Variants in PARP4 observed in about 807,000 individuals in gnomAD.
The protein encoded by PARP4 is protein mono-ADP-ribosyltransferase PARP4.
A neutral mutation model predicts 187.7 loss-of-function variants in PARP4; 120 were observed. That is an observed-to-expected ratio of 0.64 (90% CI 0.55 to 0.74). PARP4 has a LOEUF of 0.74. Ranked by LOEUF, PARP4 falls within the 30% of genes least tolerant of loss-of-function variation. PARP4 has a pLI of 0.00. For missense variants in PARP4, 1,836 were observed against 2,070.5 expected (o/e 0.89, Z 2.20); for synonymous variants, 654 against 740.9 (o/e 0.88, Z 1.90).
chr13:24,480,251 G>C (rs919619150), intron 12 of PARP4, among the ~76,000 whole-genome samples: 1 of 152,014 alleles, frequency 6.6e-6, no homozygotes, highest in Non-Finnish European at 1.5e-5. Context: ...CTTGGCAAAT[G>C]TTTTGTGTGT....
At position 24,475,569 on chromosome 13, in the gene PARP4, G is replaced by C; in HGVS notation, c.1817C>G (p.Ser606Cys). The C allele has an allele frequency of 6.2e-7, 1 of 1,614,130 alleles. No homozygotes were observed. The highest frequency in any genetic ancestry group is 1.1e-5 in the South Asian group (1 of 91,082). Residue 606 changes from serine (S) to cysteine (C), a missense_variant, in exon 15 of 34, where the codon TCC becomes TGC. Physicochemically the swap from Ser to Cys is moderately radical, Grantham distance 112. Around this residue, in one of 8 missense-constraint regions of PARP4, gnomAD observed 1,147 missense variants for 1,214.2 expected, o/e 0.94. Transcript: ENST00000381989. Reference sequence around the variant, plus strand: ...CTGGAGGCCGGCCTTGGTGCTGCTGGAAGTTTTGGCATCTGGTAACTGGTA... The same window carrying C: ...CTGGAGGCCGGCCTTGGTGCTGCTGCAAGTTTTGGCATCTGGTAACTGGTA... The part of the protein sequence containing the change: ...EDYQLPDAKT[S>C]SSTKAGLQDA...
chr13:24,483,013 TTTC>T (rs1873358079), intron 12 of PARP4, among the ~76,000 whole-genome samples: 1 of 152,046 alleles, frequency 6.6e-6, no homozygotes, highest in South Asian at 2.1e-4. Flanking sequence ...GTGCTCTTTT[TTTC>T]TTCTTTTCTT....
intron 33 of PARP4, among the ~76,000 whole-genome samples, chr13:24,424,987 CTA>C (rs2033285020): frequency 1.3e-5 from 2 of 151,484 alleles, no homozygotes; most frequent in Non-Finnish European, 1.5e-5. Context: ...CCGGCCAGTA[CTA>C]TGTTTTAAAT....
chr13:24,478,775 T>C (rs1006230529), intron 12 of PARP4, among the ~76,000 whole-genome samples: 1 of 152,220 alleles, frequency 6.6e-6, no homozygotes, highest in African/African-American at 2.4e-5. Context: ...ACTGCCCTTA[T>C]GTTGTGCTAG....
rs1298126217 is a variant in PARP4, at chr13:24,442,659, CAG to C, written c.3472_3473del (p.Leu1158AspfsTer3). ...AGTTTTCTTTACTGAGTTTAATAAT[CAG>C]AGATTTCAAGGTTTGTTTTTTCATC... ...HEMKKQTLKS[L>X]IIKLSKENSL... On this transcript the variant is annotated frameshift_variant, in exon 29 of 34. Coordinates refer to ENST00000381989, the MANE Select transcript of PARP4 (RefSeq NM_006437.4). LOFTEE classifies it high-confidence loss of function. 6.3e-7 allele frequency: 1 copy of C among 1,593,078 alleles called. No homozygotes were observed. The highest frequency in any genetic ancestry group is 1.3e-5 in the African/African-American group (1 of 74,686).
intron 30 of PARP4, among the ~76,000 whole-genome samples, chr13:24,437,703 TCAGGTATTGTGGAGCATCC>T (rs554310173): frequency 1.3e-5 from 2 of 152,116 alleles, no homozygotes; most frequent in East Asian, 3.9e-4. Flanking sequence ...ATTGATTAAG[TCAGGTATTGTGGAGCATCC>T]CAGCTACTCA....
Position 24,456,406 on chromosome 13 carries a change from T to C in PARP4, c.2497A>G (p.Ile833Val), listed in dbSNP as rs770571380. The change falls in exon 21 of 34, where the codon ATC becomes GTC. Residue 833 changes from isoleucine to valine, a missense_variant. By Grantham distance (29) the Ile-to-Val change is conservative. Transcript: ENST00000381989. ...GGGAGATAGGCAGCAGACAAACCGA[T>C]GTGGAGAGAAAATCCACTGCTGTCT... ...SLDSSGFSLH[I>V]GLSAAYLPRM... 4.6e-5 allele frequency: 74 copies of C among 1,612,506 alleles called. No homozygotes were observed. The East Asian group carries it at 6.0e-4, about 13-fold the overall frequency.
intron 15 of PARP4, among the ~76,000 whole-genome samples, chr13:24,474,970 T>C (rs1270751959): frequency 6.6e-6 from 1 of 152,136 alleles, no homozygotes; most frequent in Non-Finnish European, 1.5e-5. Flanking sequence ...ATCAGCCTCC[T>C]TCCTACCTCT....
At position 24,422,816 on chromosome 13, in the gene PARP4, C is replaced by G. The variant is rs1194755589; in HGVS notation, c.4980-1502G>C. Reference sequence around the variant, plus strand: ...TAGAGACGGGGTTTCACCATCTTGGCCAGGATGGTCTCAATCTCTTAACCT... The same window carrying G: ...TAGAGACGGGGTTTCACCATCTTGGGCAGGATGGTCTCAATCTCTTAACCT... On this transcript the variant is annotated intron_variant, in intron 33 of 33. Coordinates refer to ENST00000381989, the MANE Select transcript of PARP4 (RefSeq NM_006437.4). 1.2e-4 allele frequency among the ~76,000 whole-genome samples: 18 copies of G among 151,934 alleles called. 1 individual carries two copies. Among genetic ancestry groups the G allele is most frequent in the Admixed American group, 1.1e-3 (17 of 15,248 alleles).
intron 20 of PARP4, 45 bp from the exon 21 acceptor site, chr13:24,456,523 A>C: frequency 6.4e-7 from 1 of 1,566,272 alleles, no homozygotes. Flanking sequence ...ATGGAGTAAC[A>C]CCATATTAGC....
intron 2 of PARP4, among the ~76,000 whole-genome samples, chr13:24,503,321 T>C (rs749204822): frequency 4.6e-5 from 7 of 152,238 alleles, no homozygotes; most frequent in Non-Finnish European, 7.3e-5. Context: ...GCAAATCCTG[T>C]GCACTATGAC....
chr13:24,510,486 G>A (rs1332376790), intron 1 of PARP4, among the ~76,000 whole-genome samples: 1 of 144,174 alleles, frequency 6.9e-6, no homozygotes, highest in Non-Finnish European at 1.5e-5. Flanking sequence ...CCCGGGAGGC[G>A]GAGCTTGCAG....
At position 24,469,047 on chromosome 13, in the gene PARP4, A is replaced by T. The variant is rs751626277; in HGVS notation, c.2110T>A (p.Tyr704Asn). Reference protein sequence around the residue: ...LEAVTQGHGAYLMSQDAPDVF... With the variant: ...LEAVTQGHGANLMSQDAPDVF... The stretch of plus-strand genomic sequence containing the variant: ...ACCGGAGCATCCTGACTCATCAGGT[A>T]AGCGCCATGGCCCTGGGTCACGGCT... The change falls in exon 17 of 34, where the codon TAC becomes AAC. Residue 704 changes from tyrosine to asparagine, a missense_variant. Physicochemically the swap from Tyr to Asn is moderately radical, Grantham distance 143. This residue lies in a region of PARP4 where 1,147 missense variants were observed against 1,214.2 expected (regional missense o/e 0.94). Coordinates refer to ENST00000381989, the MANE Select transcript of PARP4 (RefSeq NM_006437.4). 6.8e-6 allele frequency: 11 copies of T among 1,613,700 alleles called. No homozygotes were observed. Among genetic ancestry groups the T allele is most frequent in the Non-Finnish European group, 9.3e-6 (11 of 1,179,592 alleles).
chr13:24,484,502 G>T, intron 12 of PARP4, 151 bp downstream of exon 12: 1 of 599,928 alleles, frequency 1.7e-6, no homozygotes, highest in Non-Finnish European at 3.0e-6. Context: ...TATCAAGGAT[G>T]CTGAAGATGA....
At chr13:24,430,066 C>T (rs1205698853) in intron 32 of PARP4, among the ~76,000 whole-genome samples, 10 of 152,146 alleles carry the variant, frequency 6.6e-5, no homozygotes, top group African/African-American at 2.2e-4. Flanking sequence ...TCCTGGCCTT[C>T]AAAGAATGGT....
chr13:24,446,085 G>T (rs1005802091), intron 27 of PARP4, among the ~76,000 whole-genome samples: 4 of 152,194 alleles, frequency 2.6e-5, no homozygotes, highest in Non-Finnish European at 5.9e-5. Context: ...TATACGATAT[G>T]ATCTACTCTT....
At chr13:24,492,654 T>C (rs1868724925) in intron 8 of PARP4, 60 bp from the exon 9 acceptor site, 2 of 1,321,260 alleles carry the variant, frequency 1.5e-6, no homozygotes, top group Non-Finnish European at 1.1e-6. Context: ...TTAAGGAGCA[T>C]GCACAAAACT....
intron 33 of PARP4, among the ~76,000 whole-genome samples, chr13:24,421,976 G>C (rs3978794): frequency 6.6e-6 from 1 of 151,486 alleles, no homozygotes; most frequent in African/African-American, 2.4e-5. Flanking sequence ...AGTGAACAAG[G>C]GGCAACATAT....
At chr13:24,446,883 G>A in intron 26 of PARP4, 122 bp from the exon 27 acceptor site, 6 of 1,396,112 alleles carry the variant, frequency 4.3e-6, no homozygotes, top group East Asian at 2.3e-5. Flanking sequence ...CCTCCCCAAA[G>A]CCCTGGCTAA....
Sources: gnomAD v4.1 joint callset for allele counts (sites outside exome capture counted in the v4.1 genomes callset) on GRCh38, gnomAD v4.1.1 for gene constraint, gnomAD v4.1.1 regional missense constraint, MANE v1.5 for transcripts, NCBI Gene and HGNC (gene_info 2026-07-23, HGNC 2026-07-21) for gene names.